Variants in ZNF347 observed in about 807,000 individuals in gnomAD.
ZNF347 encodes CTD-2620I22.7.
In ZNF347, 19 loss-of-function variants were observed where a neutral mutation model predicts 12.9. The observed-to-expected ratio is 1.47, with a 90% CI of 1.03 to 2.16. The LOEUF (loss-of-function observed/expected upper bound fraction) is 2.16. ZNF347 is among the 30% of genes most tolerant of loss of function. The pLI is 0.00. For missense variants in ZNF347, 1,005 were observed against 990.6 expected (o/e 1.01, Z -0.19); for synonymous variants, 328 against 340.6 (o/e 0.96, Z 0.41).
Position 53,149,385 on chromosome 19 carries a change from T to C in ZNF347, c.16-18A>G. The C allele has an allele frequency of 6.2e-7, 1 of 1,612,988 alleles. No homozygotes were observed. The highest frequency in any genetic ancestry group is 1.3e-5 in the African/African-American group (1 of 74,928). On this transcript the variant is annotated intron_variant, in intron 2 of 4. Transcript: ENST00000334197. ...ACCTGTCCCTAAAATGAAAAACACA[T>C]CCACCAGGGGGATATAAGGAAAAGC...
Position 53,141,823 on chromosome 19 carries a change from ATGT to A in ZNF347, c.1002_1004del (p.Gln334del). On this transcript the variant is annotated inframe_deletion, in exon 5 of 5. Coordinates refer to ENST00000334197, the MANE Select transcript of ZNF347 (RefSeq NM_032584.3). ...GTTTCTCTCCAGTGTGAATTTTCTG[ATGT>A]TGTGAGAGTTGTGAATTTCGACTAA... 1 of 1,613,926 alleles carries A rather than the reference ATGT, an allele frequency of 6.2e-7. No individual in the cohort carries two copies. The highest frequency in any genetic ancestry group is 8.5e-7 in the Non-Finnish European group (1 of 1,179,962).
In ZNF347 at chr19:53,138,275, C is replaced by T. The variant is rs1203146846; in HGVS notation, c.*2033G>A. On this transcript the variant is annotated 3_prime_UTR_variant, in exon 5 of 5. Coordinates refer to ENST00000334197, the MANE Select transcript of ZNF347 (RefSeq NM_032584.3). ...GGACTACAGGCATGAGCCACCCTGCCTGGGTAATATTTCTATTTTTTTTGT... is the reference window on the plus strand; with the variant it reads ...GGACTACAGGCATGAGCCACCCTGCTTGGGTAATATTTCTATTTTTTTTGT... 1 of 152,122 alleles carries T rather than the reference C, an allele frequency of 6.6e-6. No individual in the cohort carries two copies. The highest frequency in any genetic ancestry group is 1.5e-5 in the Non-Finnish European group (1 of 68,058). 9.4% of individuals were successfully genotyped at this position (152,122 alleles called of 1,614,324 possible). A position where few individuals can be genotyped will look rare whatever the true frequency, so the allele number is the denominator to read the frequency against.
intron 4 of ZNF347, among the ~76,000 whole-genome samples, chr19:53,145,092 A>G (rs773670688): frequency 2.8e-4 from 42 of 151,980 alleles, no homozygotes; most frequent in Admixed American, 1.0e-3. Context: ...GGAGTTCAAG[A>G]CCAGCCTGGC....
In ZNF347 at chr19:53,140,153, G is replaced by T; in HGVS notation, c.*155C>A. On this transcript the variant is annotated 3_prime_UTR_variant, in exon 5 of 5. Coordinates refer to ENST00000334197, the MANE Select transcript of ZNF347 (RefSeq NM_032584.3). ...GACCTCAGGTGATCCACCTGCCTCGGACTCCCAAAGTGTTGGGATTACAGG... is the reference window on the plus strand; with the variant it reads ...GACCTCAGGTGATCCACCTGCCTCGTACTCCCAAAGTGTTGGGATTACAGG... 1.4e-6 allele frequency: 1 copy of T among 710,794 alleles called. No homozygotes were observed. The highest frequency in any genetic ancestry group is 2.3e-6 in the Non-Finnish European group (1 of 442,860). The allele number at this position is 710,794 out of a possible 1,614,324, so 44.0% of individuals were successfully genotyped here. A position where few individuals can be genotyped will look rare whatever the true frequency, so the allele number is the denominator to read the frequency against.
rs200335152 is a variant in ZNF347 at position 53,141,737 on chromosome 19, C to T, written c.1091G>A (p.Arg364Gln). Residue 364 changes from arginine (R) to glutamine (Q), a missense_variant, in exon 5 of 5, where the codon CGA becomes CAA. By Grantham distance (43) the Arg-to-Gln change is conservative. Transcript: ENST00000334197. ...FTQNSHLVRHRGIHTGEKPYK... is the reference protein window; with the variant it reads ...FTQNSHLVRHQGIHTGEKPYK... ...AGGTTTCTCTCCAGTATGAATTCCTCGATGTCTTACAAGGTGTGAATTCTG... is the reference window on the plus strand; with the variant it reads ...AGGTTTCTCTCCAGTATGAATTCCTTGATGTCTTACAAGGTGTGAATTCTG... 3.0e-4 allele frequency: 490 copies of T among 1,613,222 alleles called. 1 individual carries two copies. The highest frequency in any genetic ancestry group is 3.1e-4 in the South Asian group (28 of 91,004).
At chr19:53,142,950 T>A (rs529280703) in intron 4 of ZNF347, among the ~76,000 whole-genome samples, 1 of 152,226 alleles carries the variant, frequency 6.6e-6, no homozygotes, top group Admixed American at 6.5e-5. Flanking sequence ...AATGACACGA[T>A]GTAACTGTTA....
At chr19:53,147,701 G>T (rs1184001152) in intron 4 of ZNF347, among the ~76,000 whole-genome samples, 1 of 151,998 alleles carries the variant, frequency 6.6e-6, no homozygotes, top group Non-Finnish European at 1.5e-5. Flanking sequence ...ATACCAAAAA[G>T]CAGACAAGGA....
chr19:53,158,684 G>C (rs2090551845), intron 1 of ZNF347: 4 of 152,206 alleles, frequency 2.6e-5, no homozygotes, highest in African/African-American at 9.7e-5. Flanking sequence ...GATTACCTGA[G>C]GTCAGGAGTT....
chr19:53,145,413 G>C (rs1383276594), intron 4 of ZNF347, among the ~76,000 whole-genome samples: 1 of 143,546 alleles, frequency 7.0e-6, no homozygotes, highest in Non-Finnish European at 1.5e-5. Flanking sequence ...TTTTTTTTGA[G>C]ATAGGGTCTT....
chr19:53,140,330 C>A lies in ZNF347; in HGVS notation c.2498G>T (p.Cys833Phe). ...CCACTATGAATTCTGTGATGGCTTG[C>A]AAGGTTTGAACTCTGACTTTAGAAC... is the stretch of plus-strand genomic sequence containing the variant. ...WKVLKSEFKP[C>F]KPSQNS The change falls in exon 5 of 5, where the codon TGC (cysteine) becomes TTC (phenylalanine). Residue 833 changes from cysteine (C) to phenylalanine (F), a missense_variant. Physicochemically the swap from Cys to Phe is radical, Grantham distance 205. Transcript: ENST00000334197. 6.4e-7 allele frequency: 1 copy of A among 1,556,090 alleles called. No individual in the cohort carries two copies. The highest frequency in any genetic ancestry group is 2.2e-5 in the East Asian group (1 of 44,512).
chr19:53,153,638 G>C, intron 2 of ZNF347, 95 bp downstream of exon 2: 1 of 1,525,246 alleles, frequency 6.6e-7, no homozygotes, highest in Non-Finnish European at 9.1e-7. Context: ...CTGTCAGGCA[G>C]GACGCTTCAG....
chr19:53,142,592 T>C (rs1287001722), intron 4 of ZNF347, 36 bp from the exon 5 acceptor site: 4 of 1,447,334 alleles, frequency 2.8e-6, no homozygotes, highest in South Asian at 2.9e-5. Context: ...TTCCAATTAA[T>C]TGTAGTACGT....
rs1193406276 is a variant in ZNF347 at position 53,149,312 on chromosome 19, C to T, written c.71G>A (p.Cys24Tyr). The part of the protein sequence containing the change: ...AIEFSQEEWT[C>Y]LDPAQRTLYR... ...CAAAGTCCTCTGAGCGGGGTCCAGG[C>T]ATGTCCACTCCTCCTGAGAGAATTC... The change falls in exon 3 of 5, where the codon TGC becomes TAC. Residue 24 changes from cysteine to tyrosine, a missense_variant. By Grantham distance (194) the Cys-to-Tyr change is radical (BLOSUM62 -2). Coordinates refer to ENST00000334197, the MANE Select transcript of ZNF347 (RefSeq NM_032584.3). The T allele has an allele frequency of 2.5e-6, 4 of 1,614,022 alleles. No individual in the cohort carries two copies. Among genetic ancestry groups the T allele is most frequent in the Non-Finnish European group, 3.4e-6 (4 of 1,179,962 alleles).
rs573851318 is a variant in ZNF347 at position 53,138,736 on chromosome 19, T to A, written c.*1572A>T. 3 of 152,158 alleles carry A rather than the reference T, an allele frequency of 2.0e-5. No homozygotes were observed. Among genetic ancestry groups the A allele is most frequent in the Non-Finnish European group, 2.9e-5 (2 of 68,024 alleles). 9.4% of individuals were successfully genotyped at this position (152,158 alleles called of 1,614,324 possible). ...TAAAAGACTGAGTGTATTGTTATTA[T>A]CTGCTATGAAGTATCCTACTGAGGT... is the stretch of plus-strand genomic sequence containing the variant. On this transcript the variant is annotated 3_prime_UTR_variant, in exon 5 of 5. Transcript: ENST00000334197.
At chr19:53,152,313 C>T (rs528661630) in intron 2 of ZNF347, among the ~76,000 whole-genome samples, 5 of 152,110 alleles carry the variant, frequency 3.3e-5, no homozygotes, top group Admixed American at 1.3e-4. Context: ...CACAACAAAA[C>T]ATTCACTGAA....
In ZNF347 at chr19:53,140,575, G is replaced by T; in HGVS notation, c.2253C>A (p.His751Gln). 1 of 1,613,816 alleles carries T rather than the reference G, an allele frequency of 6.2e-7. No homozygotes were observed. The highest frequency in any genetic ancestry group is 8.5e-7 in the Non-Finnish European group (1 of 1,179,930). Residue 751 changes from histidine to glutamine, a missense_variant, in exon 5 of 5, where the codon CAC becomes CAA. Coordinates refer to ENST00000334197, the MANE Select transcript of ZNF347 (RefSeq NM_032584.3). Reference sequence around the variant, plus strand: ...TATGAATTCCCCGATGTCTTGCAAGGTGTGAATTCTGAGTGAAGACCTTCC... The same window carrying T: ...TATGAATTCCCCGATGTCTTGCAAGTTGTGAATTCTGAGTGAAGACCTTCC... ...ECGKVFTQNS[H>Q]LARHRGIHTG... is the part of the protein sequence containing the mutation.
Position 53,138,353 on chromosome 19 carries a change from G to C in ZNF347, c.*1955C>G, listed in dbSNP as rs1417092733. On this transcript the variant is annotated 3_prime_UTR_variant, in exon 5 of 5. Coordinates refer to ENST00000334197, the MANE Select transcript of ZNF347 (RefSeq NM_032584.3). ...GGCTGGTTCAAACTCCTGGACTCAAGTGACCCCCCTGCCTTGGGCTCTCAA... is the reference window on the plus strand; with the variant it reads ...GGCTGGTTCAAACTCCTGGACTCAACTGACCCCCCTGCCTTGGGCTCTCAA... The C allele has an allele frequency of 6.6e-6, 1 of 151,770 alleles. No homozygotes were observed. The highest frequency in any genetic ancestry group is 1.9e-4 in the East Asian group (1 of 5,150). 9.4% of individuals were successfully genotyped at this position (151,770 alleles called of 1,614,324 possible). A position where few individuals can be genotyped will look rare whatever the true frequency, so the allele number is the denominator to read the frequency against.
At chr19:53,157,858 C>G (rs1024407928) in intron 1 of ZNF347, among the ~76,000 whole-genome samples, 4 of 152,212 alleles carry the variant, frequency 2.6e-5, no homozygotes, top group Non-Finnish European at 4.4e-5. Context: ...ACCTTGCTGT[C>G]CTTCATGTCT....
chr19:53,152,878 T>C (rs1034802663), intron 2 of ZNF347, among the ~76,000 whole-genome samples: 9 of 151,984 alleles, frequency 5.9e-5, no homozygotes, highest in Non-Finnish European at 7.4e-5. Flanking sequence ...TGCATTGGGC[T>C]GAGATCATGC....
Sources: allele counts gnomAD v4.1 joint callset (sites outside exome capture counted in the v4.1 genomes callset), GRCh38; gene constraint gnomAD v4.1.1; transcripts MANE v1.5; gene names NCBI Gene and HGNC (gene_info 2026-07-23, HGNC 2026-07-21).